WDPCP: variants seen among roughly 807,000 people sequenced by gnomAD.
WDPCP encodes WD repeat containing planar cell polarity effector.
A neutral mutation model predicts 93.1 loss-of-function variants in WDPCP; 71 were observed. That is an observed-to-expected ratio of 0.76 (90% CI 0.63 to 0.93). The LOEUF (loss-of-function observed/expected upper bound fraction) is 0.93. WDPCP is among the 40% of genes least tolerant of loss of function. The pLI is 0.00. For missense variants in WDPCP, 844 were observed against 887.4 expected (o/e 0.95, Z 0.62); for synonymous variants, 315 against 315.0 (o/e 1.00, Z 0.00).
In WDPCP at chr2:63,348,843, T is replaced by C. The variant is rs753391353; in HGVS notation, c.1748+29543A>G. Among the ~76,000 whole-genome samples the C allele has an allele frequency of 7.4e-4, 113 of 152,172 alleles. 2 individuals are homozygous for C. The highest frequency in any genetic ancestry group is 2.1e-4 in the Non-Finnish European group (14 of 68,022). On this transcript the variant is annotated intron_variant, in intron 12 of 17. Transcript: ENST00000272321. Reference sequence around the variant, plus strand: ...CAACACTACTGTTTAACCAAGGATATGCCTCTGGAGAAAACTGTTAACAAG... The same window carrying C: ...CAACACTACTGTTTAACCAAGGATACGCCTCTGGAGAAAACTGTTAACAAG...
chr2:63,365,973 C>CTA (rs1306686291), intron 12 of WDPCP, among the ~76,000 whole-genome samples: 1 of 152,122 alleles, frequency 6.6e-6, no homozygotes, highest in Non-Finnish European at 1.5e-5. Context: ...TTTGAACCCA[C>CTA]TAGACAGGAG....
chr2:63,297,619 A>C (rs763131740), intron 13 of WDPCP, among the ~76,000 whole-genome samples: 1 of 152,202 alleles, frequency 6.6e-6, no homozygotes, highest in African/African-American at 2.4e-5. Context: ...CTGGATAGAA[A>C]GTTCTACCAA....
intron 12 of WDPCP, among the ~76,000 whole-genome samples, chr2:63,376,735 A>G (rs1002965162): frequency 6.6e-6 from 1 of 151,964 alleles, no homozygotes; most frequent in Non-Finnish European, 1.5e-5. Context: ...TTCATAGAAG[A>G]CAGCCTCATT....
rs200086569 is a variant in WDPCP at position 63,535,896 on chromosome 2, A to C, written c.76-42956T>G. 1.1e-4 allele frequency among the ~76,000 whole-genome samples: 16 copies of C among 152,378 alleles called. No homozygotes were observed. In the East Asian group the frequency reaches 2.1e-3, roughly 20 times the overall value. On this transcript the variant is annotated intron_variant, in intron 1 of 17. Transcript: ENST00000272321. Reference sequence around the variant, plus strand: ...TTAAACTAAAGAGCTTCTGCACAGCAAAAGAAACTACCAGCAGAGTGAACA... The same window carrying C: ...TTAAACTAAAGAGCTTCTGCACAGCCAAAGAAACTACCAGCAGAGTGAACA...
chr2:63,555,447 G>A (rs1369904141), intron 1 of WDPCP, among the ~76,000 whole-genome samples: 5 of 152,218 alleles, frequency 3.3e-5, no homozygotes, highest in African/African-American at 1.2e-4. Flanking sequence ...GTCCAGGCCA[G>A]TGGGATTCCC....
intron 2 of WDPCP, among the ~76,000 whole-genome samples, chr2:63,787,593 T>C (rs915442210): frequency 3.3e-5 from 5 of 152,216 alleles, no homozygotes; most frequent in Non-Finnish European, 7.3e-5. Flanking sequence ...ATTAAAAAGA[T>C]ATATTTAAAA....
At chr2:63,565,324 C>T (rs565577595) in intron 1 of WDPCP, among the ~76,000 whole-genome samples, 5 of 152,248 alleles carry the variant, frequency 3.3e-5, no homozygotes, top group South Asian at 4.1e-4. Context: ...ATTCAATTCG[C>T]TTCAATACGA....
At chr2:63,230,425 G>C (rs1302939496) in intron 14 of WDPCP, among the ~76,000 whole-genome samples, 2 of 152,132 alleles carry the variant, frequency 1.3e-5, no homozygotes, top group Non-Finnish European at 2.9e-5. Flanking sequence ...TAGCAGCAAT[G>C]ATTTATAATC....
intron 12 of WDPCP, among the ~76,000 whole-genome samples, chr2:63,351,672 T>A (rs1025720748): frequency 3.3e-5 from 5 of 152,196 alleles, no homozygotes; most frequent in African/African-American, 1.2e-4. Flanking sequence ...AATTCACCAT[T>A]GATAGGCACA....
upstream of WDPCP, among the ~76,000 whole-genome samples, chr2:63,591,161 C>T (rs948892025): frequency 2.0e-5 from 3 of 152,230 alleles, no homozygotes; most frequent in African/African-American, 7.2e-5. Flanking sequence ...CAAAGACGTT[C>T]CTTTTTTGGA....
At chr2:63,437,305 TC>T (rs1481600338) in intron 8 of WDPCP, 115 bp downstream of exon 8, 3 of 896,502 alleles carry the variant, frequency 3.3e-6, no homozygotes, top group Non-Finnish European at 3.2e-6. Context: ...CTGTAATATT[TC>T]CAGTTTTTCT....
At chr2:63,767,187 C>T (rs1307163979) in intron 2 of WDPCP, among the ~76,000 whole-genome samples, 1 of 151,988 alleles carries the variant, frequency 6.6e-6, no homozygotes, top group Non-Finnish European at 1.5e-5. Flanking sequence ...TAATTTATTC[C>T]TTTTTATTAC....
At chr2:63,707,419 C>T (rs1036052295) in intron 2 of WDPCP, among the ~76,000 whole-genome samples, 1 of 152,132 alleles carries the variant, frequency 6.6e-6, no homozygotes, top group Non-Finnish European at 1.5e-5. Flanking sequence ...TTGATCGCAT[C>T]GGTTACTGAG....
At chr2:63,359,052 G>A (rs1399232709) in intron 12 of WDPCP, among the ~76,000 whole-genome samples, 1 of 151,718 alleles carries the variant, frequency 6.6e-6, no homozygotes, top group African/African-American at 2.4e-5. Flanking sequence ...CCCTGTCCTT[G>A]CACTCTCTCT....
chr2:63,541,394 T>C (rs894381963), intron 1 of WDPCP, among the ~76,000 whole-genome samples: 1 of 152,210 alleles, frequency 6.6e-6, no homozygotes, highest in African/African-American at 2.4e-5. Context: ...TAAAATAAGT[T>C]ACAATTATAC....
At chr2:63,716,538 A>C (rs1669339007) in intron 2 of WDPCP, among the ~76,000 whole-genome samples, 1 of 152,252 alleles carries the variant, frequency 6.6e-6, no homozygotes, top group African/African-American at 2.4e-5. Context: ...TGCTATTTGA[A>C]TAAATATGCA....
intron 2 of WDPCP, among the ~76,000 whole-genome samples, chr2:63,708,609 T>C (rs2103741480): frequency 6.6e-6 from 1 of 152,232 alleles, no homozygotes; most frequent in East Asian, 2.0e-4. Flanking sequence ...CTTTGGGTCA[T>C]GCACGGTGCA....
chr2:63,767,731 T>C (rs149115649), intron 2 of WDPCP, among the ~76,000 whole-genome samples: 1 of 152,124 alleles, frequency 6.6e-6, no homozygotes, highest in Non-Finnish European at 1.5e-5. Flanking sequence ...TTATGTATTC[T>C]AGATAGAAGT....
chr2:63,705,461 T>G (rs1669134174), intron 2 of WDPCP, among the ~76,000 whole-genome samples: 1 of 152,196 alleles, frequency 6.6e-6, no homozygotes, highest in African/African-American at 2.4e-5. Context: ...CTCCTCACAC[T>G]GCTTTGAATG....
Sources: allele counts gnomAD v4.1 joint callset (sites outside exome capture counted in the v4.1 genomes callset), GRCh38; gene constraint gnomAD v4.1.1; transcripts MANE v1.5; gene names NCBI Gene and HGNC (gene_info 2026-07-23, HGNC 2026-07-21).